TUT4: variants seen among roughly 807,000 people sequenced by gnomAD.
TUT4 encodes terminal uridylyltransferase 4.
Under a neutral mutation model 192.2 loss-of-function variants are expected in TUT4, and 36 were observed. The ratio of observed to expected loss-of-function variants is 0.19; its 90% confidence interval spans 0.14 to 0.25. TUT4 has a LOEUF of 0.25. TUT4 is among the 10% of genes least tolerant of loss of function. The probability of loss-of-function intolerance (pLI) is 1.00; values close to 1 mark genes in which losing one functional copy is unlikely to be tolerated. For synonymous variants in TUT4, 618 were observed against 666.0 expected (o/e 0.93, Z 1.11); for missense variants, 1,493 against 1,957.2 (o/e 0.76, Z 4.47).
intron 16 of TUT4, 90 bp downstream of exon 16, chr1:52,464,980 C>T: frequency 1.0e-6 from 1 of 967,300 alleles, no homozygotes; most frequent in Admixed American, 2.8e-5. Context: ...AGAGTGATAC[C>T]ACATTTTTAT....
chr1:52,437,110 A>C (rs1654028475), intron 25 of TUT4, 132 bp from the exon 26 acceptor site: 3 of 1,294,270 alleles, frequency 2.3e-6, no homozygotes, highest in African/African-American at 3.0e-5. Flanking sequence ...GCAAGGGAAC[A>C]AACATTTATG....
In TUT4 at chr1:52,448,588, C is replaced by CAAAA. The variant is rs1190767355; in HGVS notation, c.3436-1925_3436-1922dup. 2.3e-3 allele frequency among the ~76,000 whole-genome samples: 94 copies of CAAAA among 40,768 alleles called. 2 individuals carry two copies. The highest frequency in any genetic ancestry group is 3.7e-3 in the Non-Finnish European group (76 of 20,600). 26.7% of individuals were successfully genotyped at this position (40,768 alleles called of 152,430 possible). On this transcript the variant is annotated intron_variant, in intron 20 of 29. Transcript: ENST00000257177. ...TGGGTGACTAAGCGAGATTCTGTCTCAAAAAAAAAAAAAAAAAAAAAAAAA... is the reference window on the plus strand; with the variant it reads ...TGGGTGACTAAGCGAGATTCTGTCTCAAAAAAAAAAAAAAAAAAAAAAAAAAAAA...
intron 1 of TUT4, among the ~76,000 whole-genome samples, chr1:52,548,268 TTAAAC>T (rs960837670): frequency 2.6e-5 from 4 of 151,886 alleles, no homozygotes; most frequent in Admixed American, 2.6e-4. Flanking sequence ...ATTAAATTAT[TTAAAC>T]TATAGTGTTA....
At chr1:52,429,954 GTGTC>G (rs950136518) in intron 28 of TUT4, among the ~76,000 whole-genome samples, 5 of 151,968 alleles carry the variant, frequency 3.3e-5, no homozygotes, top group Admixed American at 1.3e-4. Context: ...GTGTGTGTGT[GTGTC>G]TATGTATTTT....
chr1:52,521,681 G>A (rs1316459297), intron 2 of TUT4, among the ~76,000 whole-genome samples: 2 of 149,674 alleles, frequency 1.3e-5, no homozygotes, highest in East Asian at 4.0e-4. Flanking sequence ...ACAAAAAAAA[G>A]ACAGCTGGAC....
At position 52,530,694 on chromosome 1, in the gene TUT4, GGA is replaced by G. The variant is rs973814856; in HGVS notation, c.-93-4323_-93-4322del. 9.9e-5 allele frequency among the ~76,000 whole-genome samples: 15 copies of G among 152,216 alleles called. No homozygotes were observed. The East Asian group carries it at 1.5e-3, about 16-fold the overall frequency. On this transcript the variant is annotated intron_variant, in intron 1 of 29. Coordinates refer to ENST00000257177, the MANE Select transcript of TUT4 (RefSeq NM_001009881.3). ...TTCCTAGAAACGAAGTTCTCTCGGA[GGA>G]GAGAGTATTTTGAAGATAAGGCTCA...
intron 2 of TUT4, among the ~76,000 whole-genome samples, chr1:52,522,979 TTAAC>T (rs1181275585): frequency 1.4e-5 from 2 of 140,428 alleles, no homozygotes; most frequent in Non-Finnish European, 3.0e-5. Context: ...AACAAGACCC[TTAAC>T]TATCTTTTTT....
At chr1:52,442,347 A>G (rs992732554) in intron 24 of TUT4, among the ~76,000 whole-genome samples, 1 of 152,074 alleles carries the variant, frequency 6.6e-6, no homozygotes, top group Admixed American at 6.6e-5. Flanking sequence ...CAGGAAATAT[A>G]CTTATCTTTA....
intron 14 of TUT4, among the ~76,000 whole-genome samples, chr1:52,470,527 A>C (rs1665454241): frequency 6.6e-6 from 1 of 152,222 alleles, no homozygotes; most frequent in African/African-American, 2.4e-5. Context: ...GAATGGATAA[A>C]CAAATTGTGG....
At chr1:52,510,603 A>C (rs1676890551) in intron 3 of TUT4, among the ~76,000 whole-genome samples, 1 of 152,232 alleles carries the variant, frequency 6.6e-6, no homozygotes, top group African/African-American at 2.4e-5. Context: ...CTAAACTATC[A>C]GTCACAGAAC....
intron 19 of TUT4, among the ~76,000 whole-genome samples, chr1:52,458,866 C>T (rs746080198): frequency 1.3e-5 from 2 of 152,092 alleles, no homozygotes; most frequent in Admixed American, 6.6e-5. Context: ...CATGCCAAAA[C>T]ATATGTGAAA....
At chr1:52,501,693 T>C (rs1035124027) in intron 4 of TUT4, among the ~76,000 whole-genome samples, 1 of 152,180 alleles carries the variant, frequency 6.6e-6, no homozygotes, top group East Asian at 1.9e-4. Context: ...AACAGTCAAA[T>C]GGTGGAAACA....
At chr1:52,539,078 G>A (rs1200411488) in intron 1 of TUT4, among the ~76,000 whole-genome samples, 2 of 152,148 alleles carry the variant, frequency 1.3e-5, no homozygotes, top group Non-Finnish European at 2.9e-5. Context: ...CAGTAATCAT[G>A]CCGATGAAGG....
intron 14 of TUT4, among the ~76,000 whole-genome samples, chr1:52,469,551 T>C (rs1665121066): frequency 3.9e-5 from 6 of 152,038 alleles, no homozygotes; most frequent in Admixed American, 3.9e-4. Flanking sequence ...TGAGTTCGAG[T>C]TGGATATACC....
intron 9 of TUT4, 137 bp from the exon 10 acceptor site, chr1:52,482,060 T>C (rs1025684583): frequency 5.0e-6 from 3 of 596,642 alleles, no homozygotes; most frequent in Admixed American, 4.1e-5. Flanking sequence ...ACTTGAAATA[T>C]CATCACTCTA....
chr1:52,462,609 G>A (rs1662935788), intron 16 of TUT4: 6 of 472,328 alleles, frequency 1.3e-5, no homozygotes, highest in Admixed American at 6.4e-5. Flanking sequence ...GAGCTGTTGG[G>A]AGGATTACAT....
chr1:52,513,260 G>C (rs74496219), intron 3 of TUT4, among the ~76,000 whole-genome samples: 2,022 of 151,498 alleles, frequency 0.013, 47 homozygotes, highest in African/African-American at 0.047. Flanking sequence ...AAACTAGCAG[G>C]CTTGGTGGCA....
At chr1:52,505,540 G>A (rs1429388428) in intron 4 of TUT4, among the ~76,000 whole-genome samples, 1 of 148,646 alleles carries the variant, frequency 6.7e-6, no homozygotes, top group Non-Finnish European at 1.5e-5. Flanking sequence ...TCCTGCCTCA[G>A]CCTCTCGAGT....
At chr1:52,524,499 G>C (rs1474907588) in intron 2 of TUT4, among the ~76,000 whole-genome samples, 2 of 151,156 alleles carry the variant, frequency 1.3e-5, no homozygotes, top group Non-Finnish European at 2.9e-5. Flanking sequence ...ACTCCAGCGT[G>C]GGTGACAGAG....
Sources: allele counts gnomAD v4.1 joint callset (sites outside exome capture counted in the v4.1 genomes callset), GRCh38; gene constraint gnomAD v4.1.1; transcripts MANE v1.5; gene names NCBI Gene and HGNC (gene_info 2026-07-23, HGNC 2026-07-21).